Variants in LAMC1 observed in about 807,000 individuals in gnomAD.
LAMC1 encodes the protein laminin subunit gamma-1.
In LAMC1, 38 loss-of-function variants were observed where a neutral mutation model predicts 173.6. That is an observed-to-expected ratio of 0.22 (90% CI 0.17 to 0.29). The LOEUF (loss-of-function observed/expected upper bound fraction) is 0.29. LAMC1 is among the 10% of genes least tolerant of loss of function. The pLI is 1.00. For missense variants in LAMC1, 1,824 were observed against 2,051.8 expected (o/e 0.89, Z 2.14); for synonymous variants, 746 against 749.1 (o/e 1.00, Z 0.07).
chr1:183,062,020 ATCT>A (rs1313263279), intron 1 of LAMC1, among the ~76,000 whole-genome samples: 3 of 152,246 alleles, frequency 2.0e-5, no homozygotes, highest in Admixed American at 2.0e-4. Flanking sequence ...CAGTTCTCAG[ATCT>A]TCTTAGTAAC....
At chr1:183,122,729 G>A (rs1250059724) in intron 13 of LAMC1, among the ~76,000 whole-genome samples, 2 of 152,128 alleles carry the variant, frequency 1.3e-5, no homozygotes, top group Non-Finnish European at 2.9e-5. Flanking sequence ...ACAGCAGAAA[G>A]CACATATGGG....
intron 1 of LAMC1, among the ~76,000 whole-genome samples, chr1:183,080,317 G>GT (rs1455502736): frequency 6.6e-6 from 1 of 152,184 alleles, no homozygotes; most frequent in Non-Finnish European, 1.5e-5. Context: ...AGTTATCACA[G>GT]TTTCTAGGCT....
intron 26 of LAMC1, chr1:183,138,269 T>A (rs1657003900): frequency 1.2e-6 from 1 of 810,244 alleles, no homozygotes; most frequent in Non-Finnish European, 1.5e-6. Context: ...CCAAAACATA[T>A]GAAACTTACA....
intron 1 of LAMC1, among the ~76,000 whole-genome samples, chr1:183,092,263 T>A (rs1655583874): frequency 6.6e-6 from 1 of 152,166 alleles, no homozygotes; most frequent in South Asian, 2.1e-4. Flanking sequence ...TGTTAGAATC[T>A]TCAAAGGATG....
In LAMC1 at chr1:183,125,487, G is replaced by C. The variant is rs558542500; in HGVS notation, c.2738G>C (p.Gly913Ala). The change falls in exon 15 of 28, where the codon GGC (glycine) becomes GCC (alanine). Residue 913 changes from glycine to alanine, a missense_variant. By Grantham distance (60) the Gly-to-Ala change is moderately conservative. Coordinates refer to ENST00000258341, the MANE Select transcript of LAMC1 (RefSeq NM_002293.4). ...GQCECLPHVTGQDCGACDPGF... is the reference protein window; with the variant it reads ...GQCECLPHVTAQDCGACDPGF... ...TGTGAATGTTTGCCTCACGTGACTGGCCAGGACTGTGGTGCTTGTGACCCT... is the reference window on the plus strand; with the variant it reads ...TGTGAATGTTTGCCTCACGTGACTGCCCAGGACTGTGGTGCTTGTGACCCT... 6.2e-7 allele frequency: 1 copy of C among 1,613,910 alleles called. No homozygotes were observed.
At chr1:183,051,192 C>T (rs1176589870) in intron 1 of LAMC1, among the ~76,000 whole-genome samples, 1 of 152,194 alleles carries the variant, frequency 6.6e-6, no homozygotes, top group Admixed American at 6.6e-5. Context: ...TGGGCTGTGA[C>T]TGCTTTAACC....
chr1:183,101,717 G>A (rs1451839732), intron 1 of LAMC1, among the ~76,000 whole-genome samples: 1 of 152,016 alleles, frequency 6.6e-6, no homozygotes, highest in Non-Finnish European at 1.5e-5. Context: ...CATATGGTTA[G>A]TAAAGGAGGG....
chr1:183,025,893 G>C (rs2102002510), intron 1 of LAMC1, among the ~76,000 whole-genome samples: 1 of 152,304 alleles, frequency 6.6e-6, no homozygotes, highest in Non-Finnish European at 1.5e-5. Flanking sequence ...GCACTGTGTA[G>C]CTAAAGGTTA....
At chr1:183,070,547 A>T (rs1488943099) in intron 1 of LAMC1, among the ~76,000 whole-genome samples, 2 of 152,172 alleles carry the variant, frequency 1.3e-5, no homozygotes, top group African/African-American at 4.8e-5. Flanking sequence ...TACCATTTGT[A>T]TTTAATGTCT....
At chr1:183,034,947 G>C (rs548157584) in intron 1 of LAMC1, among the ~76,000 whole-genome samples, 1 of 152,262 alleles carries the variant, frequency 6.6e-6, no homozygotes, top group African/African-American at 2.4e-5. Context: ...CTGAGGTTGC[G>C]TAGGTTGAAA....
intron 4 of LAMC1, among the ~76,000 whole-genome samples, chr1:183,112,576 G>A (rs1015583340): frequency 1.3e-5 from 2 of 152,090 alleles, no homozygotes; most frequent in Admixed American, 6.5e-5. Context: ...GCTAGGGCTA[G>A]GGAAGAGAAC....
chr1:183,041,342 C>G (rs560559539), intron 1 of LAMC1, among the ~76,000 whole-genome samples: 1 of 152,262 alleles, frequency 6.6e-6, no homozygotes, highest in South Asian at 2.1e-4. Flanking sequence ...TGACTCTTTA[C>G]TTTTCTGTTT....
At chr1:183,043,242 C>T (rs1654187166) in intron 1 of LAMC1, among the ~76,000 whole-genome samples, 1 of 152,070 alleles carries the variant, frequency 6.6e-6, no homozygotes, top group Non-Finnish European at 1.5e-5. Flanking sequence ...CCCCCATCTC[C>T]AAGCAATTGA....
rs1340575999 is a variant in LAMC1, at chr1:183,063,836, T to C, written c.419-39492T>C. Among the ~76,000 whole-genome samples, 8 of 152,194 alleles carry C rather than the reference T, an allele frequency of 5.3e-5. No individual in the cohort carries two copies. The South Asian group carries it at 8.3e-4, about 16-fold the overall frequency. ...GGTGGTTTTGTGAGGATAATGCTCT[T>C]AATTTTATTAATTTTATTTTTGTAA... On this transcript the variant is annotated intron_variant, in intron 1 of 27. Coordinates refer to ENST00000258341, the MANE Select transcript of LAMC1 (RefSeq NM_002293.4).
intron 2 of LAMC1, 69 bp downstream of exon 2, chr1:183,103,701 A>G: frequency 7.2e-7 from 1 of 1,398,506 alleles, no homozygotes; most frequent in African/African-American, 1.4e-5. Flanking sequence ...AGATTATTGT[A>G]GTGGGGCTTG....
At chr1:183,116,523 A>G in intron 6 of LAMC1, 54 bp from the exon 7 acceptor site, 1 of 1,218,410 alleles carries the variant, frequency 8.2e-7, no homozygotes, top group Non-Finnish European at 1.2e-6. Context: ...GCTGACTTGA[A>G]GAGTGGAAGT....
chr1:183,024,055 C>G lies in LAMC1; in HGVS notation c.339C>G (p.Ala113=). 6.2e-7 allele frequency: 1 copy of G among 1,612,294 alleles called. No homozygotes were observed. Among genetic ancestry groups the G allele is most frequent in the Non-Finnish European group, 8.5e-7 (1 of 1,179,492 alleles). Residue 113 remains alanine, a synonymous_variant, in exon 1 of 28, where the codon GCC becomes GCG. Transcript: ENST00000258341. The part of the protein sequence containing the change: ...AAFLTDYNNQ[A]DTTWWQSQTM... Reference sequence around the variant, plus strand: ...TCCTGACCGACTACAACAACCAGGCCGACACCACCTGGTGGCAAAGCCAGA... The same window carrying G: ...TCCTGACCGACTACAACAACCAGGCGGACACCACCTGGTGGCAAAGCCAGA...
chr1:183,096,511 G>A (rs1219277472), intron 1 of LAMC1: 6 of 152,062 alleles, frequency 3.9e-5, no homozygotes, highest in African/African-American at 9.7e-5. Context: ...GTGTCTTTCC[G>A]TTATTAACAA....
chr1:183,030,652 G>T (rs926087792), intron 1 of LAMC1, among the ~76,000 whole-genome samples: 1 of 152,008 alleles, frequency 6.6e-6, no homozygotes, highest in Non-Finnish European at 1.5e-5. Flanking sequence ...AAGTACTAAG[G>T]TATGGAACTG....
Sources: gnomAD v4.1 joint callset for allele counts (sites outside exome capture counted in the v4.1 genomes callset) on GRCh38, gnomAD v4.1.1 for gene constraint, MANE v1.5 for transcripts, NCBI Gene and HGNC (gene_info 2026-07-23, HGNC 2026-07-21) for gene names.